AGBL1: variants seen among roughly 807,000 people sequenced by gnomAD.
AGBL1 encodes cytosolic carboxypeptidase 4.
Under a neutral mutation model 118.9 loss-of-function variants are expected in AGBL1, and 130 were observed. That is an observed-to-expected ratio of 1.09 (90% CI 0.95 to 1.26). The LOEUF is 1.26. AGBL1 is among the 50% of genes most tolerant of loss of function. The pLI is 0.00. For synonymous variants in AGBL1, 555 were observed against 478.9 expected, an observed-to-expected ratio of 1.16 and a Z score of -2.08; for missense variants, 1,584 against 1,298.1, an observed-to-expected ratio of 1.22 and a Z score of -3.38.
chr15:86,664,342 C>T (rs1427954449), intron 21 of AGBL1, among the ~76,000 whole-genome samples: 1 of 152,206 alleles, frequency 6.6e-6, no homozygotes, highest in Non-Finnish European at 1.5e-5. Flanking sequence ...CTCATGCTTT[C>T]TTCTCTGCTA....
intron 22 of AGBL1, among the ~76,000 whole-genome samples, chr15:86,800,118 C>T (rs143039239): frequency 6.6e-6 from 1 of 151,906 alleles, no homozygotes; most frequent in Non-Finnish European, 1.5e-5. Flanking sequence ...TTCCCTTTAG[C>T]AAAAAACACC....
chr15:86,498,175 A>G (rs1165511002), intron 18 of AGBL1, among the ~76,000 whole-genome samples: 1 of 151,944 alleles, frequency 6.6e-6, no homozygotes, highest in Non-Finnish European at 1.5e-5. Context: ...TTATAATTAT[A>G]AATGGCTGTC....
intron 1 of AGBL1, among the ~76,000 whole-genome samples, chr15:86,130,785 C>G (rs772215244): frequency 2.0e-5 from 3 of 152,080 alleles, no homozygotes; most frequent in Non-Finnish European, 4.4e-5. Context: ...AGAAATTATC[C>G]TGATCTCAGT....
intron 23 of AGBL1, among the ~76,000 whole-genome samples, chr15:86,969,994 T>C (rs1057217824): frequency 6.6e-6 from 1 of 151,754 alleles, no homozygotes; most frequent in African/African-American, 2.4e-5. Context: ...TATAAGGAAG[T>C]TGGGTGGTAG....
At chr15:86,737,223 A>T (rs2077614964) in intron 22 of AGBL1, among the ~76,000 whole-genome samples, 2 of 152,060 alleles carry the variant, frequency 1.3e-5, no homozygotes, top group African/African-American at 4.8e-5. Flanking sequence ...GTTGCTGGGG[A>T]AGTAGTAGGG....
chr15:86,211,161 A>T (rs1300240269), intron 5 of AGBL1, among the ~76,000 whole-genome samples: 1 of 152,212 alleles, frequency 6.6e-6, no homozygotes, highest in African/African-American at 2.4e-5. Flanking sequence ...GCAGAACAGC[A>T]AATATTGCAT....
intron 24 of AGBL1, among the ~76,000 whole-genome samples, chr15:87,025,910 G>T (rs2081722225): frequency 6.6e-6 from 1 of 151,958 alleles, no homozygotes; most frequent in African/African-American, 2.4e-5. Context: ...AGTGGGGAAA[G>T]GACACCCTTT....
chr15:86,961,068 AAGT>A (rs1007502844), intron 23 of AGBL1, among the ~76,000 whole-genome samples: 2 of 152,060 alleles, frequency 1.3e-5, no homozygotes, highest in African/African-American at 4.8e-5. Context: ...TTTGCTAAAA[AAGT>A]AGATTTCAAG....
chr15:86,790,596 G>T (rs925943142), intron 22 of AGBL1, among the ~76,000 whole-genome samples: 2 of 152,066 alleles, frequency 1.3e-5, no homozygotes, highest in African/African-American at 4.8e-5. Flanking sequence ...TTAGTTTAGG[G>T]TTCCTATGGT....
intron 18 of AGBL1, among the ~76,000 whole-genome samples, chr15:86,429,274 G>A (rs1164571196): frequency 2.0e-5 from 3 of 152,162 alleles, no homozygotes; most frequent in Non-Finnish European, 4.4e-5. Flanking sequence ...TGGGATCTTG[G>A]CCTCTGCCTT....
Position 86,434,302 on chromosome 15 carries a change from G to T in AGBL1, c.2555+36756G>T, listed in dbSNP as rs576997072. On this transcript the variant is annotated intron_variant, in intron 18 of 22. Transcript: ENST00000614907. ...ACATGTGTCTAAAAAGTGAAAAAAG[G>T]TCCACTTGCTTTACACTGAATTCAA... Among the ~76,000 whole-genome samples, 5 of 152,278 alleles carry T rather than the reference G, an allele frequency of 3.3e-5. No individual in the cohort carries two copies. In the East Asian group the frequency reaches 9.7e-4, roughly 29 times the overall value.
chr15:86,830,712 T>C (rs1016570161), intron 22 of AGBL1, among the ~76,000 whole-genome samples: 3 of 152,216 alleles, frequency 2.0e-5, no homozygotes, highest in African/African-American at 7.2e-5. Flanking sequence ...GGCCAATTAT[T>C]CTGAACGTCT....
chr15:86,651,127 T>C (rs1257098819), intron 21 of AGBL1, among the ~76,000 whole-genome samples: 1 of 152,158 alleles, frequency 6.6e-6, no homozygotes, highest in African/African-American at 2.4e-5. Context: ...TTAATCAGCA[T>C]AAAATCTTGA....
chr15:86,964,544 C>A (rs1404990682), intron 23 of AGBL1, among the ~76,000 whole-genome samples: 1 of 151,960 alleles, frequency 6.6e-6, no homozygotes, highest in Admixed American at 6.6e-5. Flanking sequence ...AGTAAATCAC[C>A]TCCTGAACAT....
In AGBL1 at chr15:86,791,894, A is replaced by C. The variant is rs546843914; in HGVS notation, c.3159-115193A>C. 2.6e-5 allele frequency among the ~76,000 whole-genome samples: 4 copies of C among 151,998 alleles called. No homozygotes were observed. In the South Asian group the frequency reaches 6.2e-4, roughly 24 times the overall value. On this transcript the variant is annotated intron_variant, in intron 22 of 22. Coordinates refer to ENST00000614907, the MANE Select transcript of AGBL1 (RefSeq NM_001386094.1). Reference sequence around the variant, plus strand: ...TGGGATTAAAGGTGTGTGCCACCACACCTGGCTAATTTTTTATTGTTAGTA... The same window carrying C: ...TGGGATTAAAGGTGTGTGCCACCACCCCTGGCTAATTTTTTATTGTTAGTA...
rs554902267 is a variant in AGBL1, at chr15:86,252,723, C to T, written c.736-4130C>T. On this transcript the variant is annotated intron_variant, in intron 7 of 22. Transcript: ENST00000614907. ...TTGGTTTGTGAACTGTTCAGAGAAG[C>T]ACAGGAGGTGGCCACCAGGCACAGA... 9.2e-5 allele frequency among the ~76,000 whole-genome samples: 14 copies of T among 152,258 alleles called. No individual in the cohort carries two copies. The South Asian group carries it at 1.5e-3, about 16-fold the overall frequency.
Position 86,154,561 on chromosome 15 carries a change from GGTAA to G in AGBL1, c.394+3_394+6del. On this transcript the variant is annotated splice_donor_variant and splice_donor_region_variant and intron_variant, in intron 4 of 22. Transcript: ENST00000614907. LOFTEE classifies it high-confidence loss of function. The stretch of plus-strand genomic sequence containing the variant: ...GGCTCTGCGTGTGTTTGCCTCCAGT[GGTAA>G]GTGACTCTATTGTGGCTCTCGGGGA... 1 of 1,605,308 alleles carries G rather than the reference GGTAA, an allele frequency of 6.2e-7. No homozygotes were observed. The highest frequency in any genetic ancestry group is 8.5e-7 in the Non-Finnish European group (1 of 1,175,174).
At chr15:86,784,678 C>G (rs892917826) in intron 22 of AGBL1, among the ~76,000 whole-genome samples, 11 of 152,108 alleles carry the variant, frequency 7.2e-5, no homozygotes, top group African/African-American at 2.7e-4. Context: ...AGCCACAGTT[C>G]AGAGGTAACT....
chr15:86,177,811 A>G (rs1296475227), intron 5 of AGBL1, among the ~76,000 whole-genome samples: 7 of 152,228 alleles, frequency 4.6e-5, no homozygotes, highest in Admixed American at 4.6e-4. Flanking sequence ...ATAGACCAGT[A>G]GGCACATATC....
Sources: allele counts gnomAD v4.1 joint callset (sites outside exome capture counted in the v4.1 genomes callset), GRCh38; gene constraint gnomAD v4.1.1; transcripts MANE v1.5; gene names NCBI Gene and HGNC (gene_info 2026-07-23, HGNC 2026-07-21).